The following LINGO1 variants were observed in gnomAD, a reference collection of about 807,000 sequenced individuals.
The protein encoded by LINGO1 is leucine rich repeat and Ig domain containing 1, also known as leucine-rich repeat and immunoglobulin-like domain-containing nogo receptor-interacting protein 1.
In LINGO1, 11 loss-of-function variants were observed where a neutral mutation model predicts 37.3. That is an observed-to-expected ratio of 0.29 (90% CI 0.19 to 0.49). The LOEUF is 0.49. LINGO1 is among the 20% of genes least tolerant of loss of function. The pLI is 0.99. For synonymous variants in LINGO1, 387 were observed against 403.0 expected, an observed-to-expected ratio of 0.96 and a Z score of 0.48; for missense variants, 585 against 878.2, an observed-to-expected ratio of 0.67 and a Z score of 4.22.
rs755936903 is a variant in LINGO1, at chr15:77,614,200, C to G, written c.1707G>C (p.Leu569=). The G allele has an allele frequency of 1.9e-6, 3 of 1,614,010 alleles. No individual in the cohort carries two copies. The highest frequency in any genetic ancestry group is 1.1e-5 in the South Asian group (1 of 91,084). The part of the protein sequence containing the change: ...IATTMGFISF[L]GVVLFCLVLL... The stretch of plus-strand genomic sequence containing the variant: ...GCACCAGGCAGAAGAGGACGACGCC[C>G]AGGAAAGAGATGAAGCCCATGGTGG... Residue 569 remains leucine (L), a synonymous_variant, in exon 2 of 2, where the codon CTG becomes CTC. Transcript: ENST00000355300.
intron 2 of LINGO1, among the ~76,000 whole-genome samples, chr15:77,721,757 A>G (rs147766827): frequency 4.9e-4 from 74 of 152,120 alleles, no homozygotes; most frequent in Admixed American, 9.2e-4. Flanking sequence ...GGGCTTGGGG[A>G]CCAGGCTTGG....
chr15:77,816,440 G>C (rs2077048500), intron 1 of LINGO1, among the ~76,000 whole-genome samples: 1 of 152,216 alleles, frequency 6.6e-6, no homozygotes, highest in African/African-American at 2.4e-5. Context: ...TGAGAGGTCA[G>C]GGGCAGCTTT....
chr15:77,744,458 C>T (rs533495806), intron 1 of LINGO1, among the ~76,000 whole-genome samples: 12 of 152,134 alleles, frequency 7.9e-5, no homozygotes, highest in African/African-American at 2.6e-4. Context: ...CACCTGAGCC[C>T]GGGAGGTTGA....
At chr15:77,726,157 A>G (rs911523038) in intron 2 of LINGO1, among the ~76,000 whole-genome samples, 1 of 152,142 alleles carries the variant, frequency 6.6e-6, no homozygotes, top group African/African-American at 2.4e-5. Flanking sequence ...CCCCCAGACC[A>G]GTGTCCAGTG....
chr15:77,655,443 C>A (rs1262440341), intron 3 of LINGO1, among the ~76,000 whole-genome samples: 1 of 152,126 alleles, frequency 6.6e-6, no homozygotes, highest in Non-Finnish European at 1.5e-5. Flanking sequence ...AACATAGACA[C>A]GCTGGGTCCT....
At chr15:77,622,429 A>C (rs953878632) in intron 1 of LINGO1, among the ~76,000 whole-genome samples, 1 of 152,118 alleles carries the variant, frequency 6.6e-6, no homozygotes, top group Non-Finnish European at 1.5e-5. Flanking sequence ...GCCTGTTAAC[A>C]CAGCCCCGTC....
intron 1 of LINGO1, among the ~76,000 whole-genome samples, chr15:77,769,392 G>A (rs2076561625): frequency 1.3e-5 from 2 of 152,186 alleles, no homozygotes; most frequent in Non-Finnish European, 2.9e-5. Flanking sequence ...TCCCCCCCCA[G>A]CCTCCCCTGT....
intron 3 of LINGO1, chr15:77,647,956 T>C: frequency 2.2e-6 from 1 of 456,548 alleles, no homozygotes; most frequent in Non-Finnish European, 4.4e-6. Context: ...AACTGATGGA[T>C]GGACAGTGAG....
At position 77,794,387 on chromosome 15, in the gene LINGO1, CAT is replaced by C. The variant is rs529967665; in HGVS notation, c.-343+1550_-343+1551del. Among the ~76,000 whole-genome samples, 166 of 59,466 alleles carry C rather than the reference CAT, an allele frequency of 2.8e-3. 31 individuals carry two copies. The highest frequency in any genetic ancestry group is 3.7e-3 in the Non-Finnish European group (110 of 29,674). 39.0% of individuals were successfully genotyped at this position (59,466 alleles called of 152,430 possible). A position where few individuals can be genotyped will look rare whatever the true frequency, so the allele number is the denominator to read the frequency against. On this transcript the variant is annotated intron_variant, in intron 2 of 5. Transcript: ENST00000562933. The stretch of plus-strand genomic sequence containing the variant: ...GTATATACATACGTATATGTATATA[CAT>C]ACATATATACGTATATATGTGTATA...
intron 1 of LINGO1, among the ~76,000 whole-genome samples, chr15:77,747,624 T>C (rs1315096890): frequency 6.6e-6 from 1 of 152,012 alleles, no homozygotes; most frequent in Non-Finnish European, 1.5e-5. Flanking sequence ...AACACTGACC[T>C]GCCTGCAAGA....
intron 1 of LINGO1, among the ~76,000 whole-genome samples, chr15:77,760,807 G>A (rs955908217): frequency 3.9e-5 from 6 of 152,132 alleles, no homozygotes; most frequent in African/African-American, 1.2e-4. Context: ...GGGAAAGGAG[G>A]TGAGGGTAAT....
In LINGO1 at chr15:77,673,528, C is replaced by T. The variant is rs1370913422; in HGVS notation, c.-13+3561G>A. 3.3e-5 allele frequency among the ~76,000 whole-genome samples: 5 copies of T among 152,320 alleles called. No homozygotes were observed. In the South Asian group the frequency reaches 6.2e-4, roughly 19 times the overall value. On this transcript the variant is annotated intron_variant, in intron 3 of 3. Coordinates refer to the LINGO1 transcript ENST00000559893. ...TGCTTGAAATGCATCTTGCCCTTGG[C>T]GTCCAGGACATACATGCCTGGTTCC...
intron 2 of LINGO1, among the ~76,000 whole-genome samples, chr15:77,702,673 T>A (rs1177170644): frequency 1.3e-5 from 2 of 152,096 alleles, no homozygotes; most frequent in East Asian, 3.9e-4. Flanking sequence ...GTGGTTTGGT[T>A]CAGCACCCCG....
Position 77,664,130 on chromosome 15 carries a change from A to AGTGTGTGTGT in LINGO1, c.-13+12949_-13+12958dup, listed in dbSNP as rs774494605. 5.7e-3 allele frequency among the ~76,000 whole-genome samples: 738 copies of AGTGTGTGTGT among 130,338 alleles called. 8 individuals are homozygous for AGTGTGTGTGT. The highest frequency in any genetic ancestry group is 8.8e-3 in the African/African-American group (282 of 31,892). The allele number at this position is 130,338 out of a possible 152,430, so 85.5% of individuals were successfully genotyped here. The stretch of plus-strand genomic sequence containing the variant: ...TTCCTCTCTTCTGCCACACAGGAGC[A>AGTGTGTGTGT]GTGTGTGTGTGTGTGTGTGTGTGTG... On this transcript the variant is annotated intron_variant, in intron 3 of 3. Transcript: ENST00000559893.
upstream of LINGO1, among the ~76,000 whole-genome samples, chr15:77,635,621 G>A (rs1032950378): frequency 2.1e-5 from 3 of 145,638 alleles, no homozygotes; most frequent in East Asian, 5.8e-4. Flanking sequence ...CCGCACCCCA[G>A]GCCTTTGTGC....
intron 2 of LINGO1, among the ~76,000 whole-genome samples, chr15:77,706,154 C>G (rs1009281952): frequency 6.6e-6 from 1 of 152,206 alleles, no homozygotes; most frequent in Admixed American, 6.5e-5. Context: ...CATCGTTCCT[C>G]GTCCCCAAAC....
chr15:77,639,097 C>T (rs1413145629), upstream of LINGO1, among the ~76,000 whole-genome samples: 1 of 152,004 alleles, frequency 6.6e-6, no homozygotes, highest in Admixed American at 6.5e-5. Flanking sequence ...ACCTTCCAAT[C>T]GCCACTTGAG....
chr15:77,735,258 T>G (rs2076192916), intron 1 of LINGO1, among the ~76,000 whole-genome samples: 1 of 152,194 alleles, frequency 6.6e-6, no homozygotes, highest in African/African-American at 2.4e-5. Flanking sequence ...GAGTCAAGAT[T>G]GCACTTTCGG....
At chr15:77,775,100 G>A (rs1221155785) in intron 1 of LINGO1, among the ~76,000 whole-genome samples, 3 of 152,204 alleles carry the variant, frequency 2.0e-5, no homozygotes, top group Admixed American at 1.3e-4. Context: ...CTATTGCAGG[G>A]AACTGGGGAT....
Sources: allele counts gnomAD v4.1 joint callset (sites outside exome capture counted in the v4.1 genomes callset), GRCh38; gene constraint gnomAD v4.1.1; transcripts MANE v1.5; gene names NCBI Gene and HGNC (gene_info 2026-07-23, HGNC 2026-07-21).